The following DIXDC1 variants were observed in gnomAD, a reference collection of about 807,000 sequenced individuals.
The protein encoded by DIXDC1 is DIX domain containing 1, also known as dixin.
A neutral mutation model predicts 103.1 loss-of-function variants in DIXDC1; 64 were observed. That is an observed-to-expected ratio of 0.62 (90% CI 0.51 to 0.76). The LOEUF (loss-of-function observed/expected upper bound fraction) is 0.76, where lower values mean the gene tolerates loss of function less well. Among genes scored for constraint, DIXDC1 ranks in the 30% least tolerant of loss-of-function variants. DIXDC1 has a pLI of 0.00. For synonymous variants in DIXDC1, 266 were observed against 298.5 expected (o/e 0.89, Z 1.12); for missense variants, 759 against 834.2 (o/e 0.91, Z 1.11).
At chr11:111,932,926 A>G (rs1282252324), upstream of DIXDC1, among the ~76,000 whole-genome samples, 2 of 152,210 alleles carry the variant, frequency 1.3e-5, no homozygotes, top group Non-Finnish European at 2.9e-5. Context: ...GCATATAATG[A>G]CTCATAAGAG....
At position 111,943,434 on chromosome 11, in the gene DIXDC1, G is replaced by A. The variant is rs145533889; in HGVS notation, c.60+5875G>A. On this transcript the variant is annotated intron_variant, in intron 1 of 19. Transcript: ENST00000440460. ...GCTGGGATTACAGGCATGAACCACC[G>A]CGCCCGGCTACGATTTAAAGCTTAG... 5.7e-3 allele frequency among the ~76,000 whole-genome samples: 857 copies of A among 150,730 alleles called. 7 individuals carry two copies. The highest frequency in any genetic ancestry group is 0.019 in the African/African-American group (787 of 41,030).
chr11:112,004,821 T>C (rs1156394206), intron 17 of DIXDC1, among the ~76,000 whole-genome samples: 2 of 152,148 alleles, frequency 1.3e-5, no homozygotes, highest in African/African-American at 4.8e-5. Context: ...TTAACAAAAA[T>C]CTCAATCCCA....
intron 1 of DIXDC1, among the ~76,000 whole-genome samples, chr11:111,957,358 T>C (rs1859421924): frequency 6.6e-6 from 1 of 152,182 alleles, no homozygotes; most frequent in African/African-American, 2.4e-5. Flanking sequence ...GGAAAAGTGA[T>C]GATGAGAAAG....
At position 111,977,423 on chromosome 11, in the gene DIXDC1, G is replaced by A. The variant is rs1023274114; in HGVS notation, c.656+2440G>A. 1.2e-5 allele frequency: 14 copies of A among 1,195,446 alleles called. No homozygotes were observed. In the African/African-American group the frequency reaches 1.6e-4, roughly 14 times the overall value. 74.1% of individuals were successfully genotyped at this position (1,195,446 alleles called of 1,614,324 possible). A position where few individuals can be genotyped will look rare whatever the true frequency, so the allele number is the denominator to read the frequency against. On this transcript the variant is annotated intron_variant, in intron 5 of 19. Transcript: ENST00000440460. This position sits in a 1 kb window ranked among gnomAD's most constrained non-coding sequence, Gnocchi z 6.1. ...TTGAGATGCCCCCGCCAGGGGGGAT[G>A]CCCGGCACCGTGCGTCCGCGGAGGC...
intron 1 of DIXDC1, among the ~76,000 whole-genome samples, chr11:111,960,076 AT>A (rs1174062618): frequency 6.6e-6 from 1 of 151,648 alleles, no homozygotes; most frequent in African/African-American, 2.4e-5. Context: ...CACCCGGCTA[AT>A]TTTTGTATTT....
At chr11:111,930,088 C>T (rs189021661) in intron 2 of DIXDC1, among the ~76,000 whole-genome samples, 34 of 151,808 alleles carry the variant, frequency 2.2e-4, no homozygotes, top group Admixed American at 1.8e-3. Flanking sequence ...TCTTGGACCT[C>T]GAGTCATCTT....
chr11:112,006,031 C>T (rs1555176592), intron 17 of DIXDC1, among the ~76,000 whole-genome samples: 1 of 152,186 alleles, frequency 6.6e-6, no homozygotes, highest in Non-Finnish European at 1.5e-5. Flanking sequence ...CTTTCCTAGA[C>T]AAAGGAAGCC....
chr11:112,020,433 T>G lies in DIXDC1; in HGVS notation c.*1397T>G, dbSNP rs1386288087. The G allele has an allele frequency of 6.6e-6, 1 of 152,652 alleles. No individual in the cohort carries two copies. The highest frequency in any genetic ancestry group is 1.9e-4 in the East Asian group (1 of 5,206). The allele number at this position is 152,652 out of a possible 1,614,324, so 9.5% of individuals were successfully genotyped here. A position where few individuals can be genotyped will look rare whatever the true frequency, so the allele number is the denominator to read the frequency against. On this transcript the variant is annotated 3_prime_UTR_variant, in exon 20 of 20. Transcript: ENST00000440460. ...TCTTTGGAGCTCTGAGATGACATCT[T>G]GTTGTTTTATATAGATGTATCTTTT...
chr11:111,977,416 G>A lies in DIXDC1; in HGVS notation c.656+2433G>A. The A allele has an allele frequency of 1.7e-6, 2 of 1,169,660 alleles. No homozygotes were observed. Among genetic ancestry groups the A allele is most frequent in the Non-Finnish European group, 2.1e-6 (2 of 945,682 alleles). 72.5% of individuals were successfully genotyped at this position (1,169,660 alleles called of 1,614,324 possible). ...AGATGGGTTGAGATGCCCCCGCCAGGGGGGATGCCCGGCACCGTGCGTCCG... is the reference window on the plus strand; with the variant it reads ...AGATGGGTTGAGATGCCCCCGCCAGAGGGGATGCCCGGCACCGTGCGTCCG... On this transcript the variant is annotated intron_variant, in intron 5 of 19. Coordinates refer to ENST00000440460, the MANE Select transcript of DIXDC1 (RefSeq NM_001037954.4). This position sits in a 1 kb window ranked among gnomAD's most constrained non-coding sequence, Gnocchi z 6.1.
chr11:112,003,472 G>A (rs1861130548), intron 17 of DIXDC1, among the ~76,000 whole-genome samples: 1 of 151,688 alleles, frequency 6.6e-6, no homozygotes, highest in African/African-American at 2.4e-5. Flanking sequence ...AAATAAAATA[G>A]CTAGAAGAAT....
At chr11:112,010,598 A>C (rs1381592574) in intron 17 of DIXDC1, among the ~76,000 whole-genome samples, 6 of 152,226 alleles carry the variant, frequency 3.9e-5, no homozygotes, top group African/African-American at 1.2e-4. Context: ...TGGTACTAAA[A>C]CAGATATATA....
At chr11:112,013,134 C>T (rs1034246307) in intron 17 of DIXDC1, among the ~76,000 whole-genome samples, 51 of 152,102 alleles carry the variant, frequency 3.4e-4, no homozygotes, top group African/African-American at 1.2e-3. Flanking sequence ...GTAGAAGGCA[C>T]GTTGTCTCTG....
chr11:111,964,674 T>A lies in DIXDC1; in HGVS notation c.186T>A (p.Ile62=). Reference sequence around the variant, plus strand: ...TGATCCTGGCATATCTCATCGAGATTGTTGGTCAGTTGGCCCTGGACTCTG... The same window carrying A: ...TGATCCTGGCATATCTCATCGAGATAGTTGGTCAGTTGGCCCTGGACTCTG... ...DGVILAYLIE[I]VAGEKLSGVQ... Residue 62 remains isoleucine, a synonymous_variant, in exon 2 of 20, where the codon ATT becomes ATA. Coordinates refer to ENST00000440460, the MANE Select transcript of DIXDC1 (RefSeq NM_001037954.4). 1 of 1,604,114 alleles carries A rather than the reference T, an allele frequency of 6.2e-7. No individual in the cohort carries two copies. The highest frequency in any genetic ancestry group is 8.5e-7 in the Non-Finnish European group (1 of 1,175,618).
At chr11:111,937,136 G>C, upstream of DIXDC1, 3 of 730,772 alleles carry the variant, frequency 4.1e-6, no homozygotes, top group African/African-American at 2.0e-5. Context: ...CCGGGCGGGG[G>C]GGGGGTGTGC....
intron 17 of DIXDC1, among the ~76,000 whole-genome samples, chr11:112,004,719 G>A (rs1229233172): frequency 6.6e-6 from 1 of 152,176 alleles, no homozygotes; most frequent in Non-Finnish European, 1.5e-5. Context: ...TGAGGGAGGG[G>A]AAGGAACATT....
chr11:111,975,269 G>C, intron 5 of DIXDC1: 1 of 1,221,694 alleles, frequency 8.2e-7, no homozygotes, highest in Non-Finnish European at 1.0e-6. Context: ...TCAGGGCCCA[G>C]TCCAGTGGTT....
At chr11:111,949,883 C>T (rs1555169729) in intron 1 of DIXDC1, among the ~76,000 whole-genome samples, 3 of 152,204 alleles carry the variant, frequency 2.0e-5, no homozygotes, top group South Asian at 2.1e-4. Context: ...ATTCCTCCAG[C>T]CTTCCATCCT....
chr11:112,016,073 T>C (rs1861580729), intron 17 of DIXDC1: 3 of 150,396 alleles, frequency 2.0e-5, no homozygotes, highest in Admixed American at 2.0e-4. Flanking sequence ...CCTCCCAAAG[T>C]GTTGGGAAAT....
rs1044777223 is a variant in DIXDC1 at position 111,977,596 on chromosome 11, C to G, written c.656+2613C>G. The G allele has an allele frequency of 7.9e-6, 12 of 1,513,270 alleles. No homozygotes were observed. In the African/African-American group the frequency reaches 1.4e-4, roughly 18 times the overall value. 93.7% of individuals were successfully genotyped at this position (1,513,270 alleles called of 1,614,324 possible). On this transcript the variant is annotated intron_variant, in intron 5 of 19. Transcript: ENST00000440460. The surrounding 1 kb of genome is among the most constrained non-coding windows in gnomAD (Gnocchi z 6.1). Reference sequence around the variant, plus strand: ...GGGGCCGAGACGCCGCCGCCGCCGCCGTTCCCGCTTTCTCCCGCGAGCCGG... The same window carrying G: ...GGGGCCGAGACGCCGCCGCCGCCGCGGTTCCCGCTTTCTCCCGCGAGCCGG...
Sources: gnomAD v4.1 joint callset for allele counts (sites outside exome capture counted in the v4.1 genomes callset) on GRCh38, gnomAD v4.1.1 for gene constraint, Gnocchi (gnomAD v3.1) non-coding constraint, MANE v1.5 for transcripts, NCBI Gene and HGNC (gene_info 2026-07-23, HGNC 2026-07-21) for gene names.